The following TMEM260 variants were observed in gnomAD, a reference collection of about 807,000 sequenced individuals.
The protein encoded by TMEM260 is transmembrane protein 260.
A neutral mutation model predicts 88.9 loss-of-function variants in TMEM260; 82 were observed. That is an observed-to-expected ratio of 0.92 (90% CI 0.77 to 1.11). TMEM260 has a LOEUF of 1.11. Among genes scored for constraint, TMEM260 ranks in the 50% least tolerant of loss-of-function variants. The probability of loss-of-function intolerance (pLI) is 0.00; values close to 1 mark genes in which losing one functional copy is unlikely to be tolerated. For missense variants in TMEM260, 902 were observed against 853.4 expected (o/e 1.06, Z -0.71); for synonymous variants, 314 against 309.3 (o/e 1.02, Z -0.16).
rs747716407 is a variant in TMEM260 at position 56,585,848 on chromosome 14, G to A, written c.280G>A (p.Val94Ile). 12 of 1,613,190 alleles carry A rather than the reference G, an allele frequency of 7.4e-6. No individual in the cohort carries two copies. The East Asian group carries it at 8.9e-5, about 12-fold the overall frequency. Reference protein sequence around the residue: ...LFPFGSIAYRVNLLCGLFGAV... With the variant: ...LFPFGSIAYRINLLCGLFGAV... ...TCCTTTTGGTTCAATTGCCTACCGC[G>A]TCAATCTTCTCTGTGGCTTATTTGG... Residue 94 changes from valine to isoleucine, a missense_variant, in exon 3 of 16, where the codon GTC (valine) becomes ATC (isoleucine). Physicochemically the swap from Val to Ile is conservative, Grantham distance 29 (BLOSUM62 3). Coordinates refer to ENST00000261556, the MANE Select transcript of TMEM260 (RefSeq NM_017799.4).
intron 4 of TMEM260, among the ~76,000 whole-genome samples, 188 bp downstream of exon 4, chr14:56,604,180 A>G (rs1386936034): frequency 6.6e-6 from 1 of 152,138 alleles, no homozygotes; most frequent in Non-Finnish European, 1.5e-5. Context: ...CTTATAAAAC[A>G]TGGCGCTTTT....
chr14:56,636,682 A>C, intron 15 of TMEM260, 84 bp downstream of exon 15: 2 of 1,173,182 alleles, frequency 1.7e-6, no homozygotes, highest in Non-Finnish European at 2.5e-6. Flanking sequence ...AGGGTATATC[A>C]CATTAGAATT....
At chr14:56,605,106 A>G (rs1037680921) in intron 4 of TMEM260, among the ~76,000 whole-genome samples, 6 of 152,228 alleles carry the variant, frequency 3.9e-5, no homozygotes, top group Non-Finnish European at 8.8e-5. Context: ...GAGTTTGGTC[A>G]ACGAGAGAAT....
intron 11 of TMEM260, among the ~76,000 whole-genome samples, chr14:56,622,780 A>T (rs1295165971): frequency 6.6e-6 from 1 of 152,230 alleles, no homozygotes; most frequent in African/African-American, 2.4e-5. Flanking sequence ...CATAGTACTT[A>T]ATGCACTTTG....
downstream of TMEM260, among the ~76,000 whole-genome samples, chr14:56,652,343 C>T (rs544622982): frequency 1.3e-3 from 191 of 151,966 alleles, 1 homozygote; most frequent in African/African-American, 4.3e-3. Context: ...AAAAGAAATA[C>T]AAAAATTAGC....
intron 3 of TMEM260, among the ~76,000 whole-genome samples, chr14:56,596,425 T>TATATATATATATATATATATATATATAC (rs1490067903): frequency 2.2e-5 from 3 of 135,636 alleles, no homozygotes; most frequent in African/African-American, 8.6e-5. Flanking sequence ...TATATATATA[T>TATATATATATATATATATATATATATAC]ACATACACAC....
At chr14:56,653,951 A>G (rs142850983), downstream of TMEM260, among the ~76,000 whole-genome samples, 53 of 152,282 alleles carry the variant, frequency 3.5e-4, no homozygotes, top group East Asian at 8.5e-3. Context: ...TCCAGTCCCA[A>G]TTACATGAAA....
At chr14:56,588,517 C>G (rs1240674559) in intron 3 of TMEM260, among the ~76,000 whole-genome samples, 1 of 151,936 alleles carries the variant, frequency 6.6e-6, no homozygotes. Context: ...GCATCTTTCT[C>G]TTGCTTTTAA....
rs1890044802 is a variant in TMEM260 at position 56,647,531 on chromosome 14, A to C, written c.*34A>C. 6.5e-7 allele frequency: 1 copy of C among 1,547,946 alleles called. No individual in the cohort carries two copies. ...AATATGAAAAACCTGCTCATCGTTC[A>C]GCTTCCAAAATTCTGAAGTCTGGAA... On this transcript the variant is annotated 3_prime_UTR_variant, in exon 16 of 16. Transcript: ENST00000261556.
At chr14:56,645,303 C>G (rs942964403) in intron 15 of TMEM260, among the ~76,000 whole-genome samples, 6 of 151,844 alleles carry the variant, frequency 4.0e-5, no homozygotes, top group African/African-American at 1.4e-4. Flanking sequence ...CCATGGAATA[C>G]TATGCAGCCA....
intron 3 of TMEM260, among the ~76,000 whole-genome samples, chr14:56,596,381 A>AGTGT (rs376857460): frequency 0.28 from 35,146 of 126,312 alleles, 5,347 homozygotes; most frequent in East Asian, 0.4. Context: ...TATATGTGAG[A>AGTGT]GTGTGTGTGT....
the TMEM260 span, among the ~76,000 whole-genome samples, chr14:56,659,264 T>G: frequency 1.9e-3 from 288 of 148,310 alleles, 3 homozygotes; most frequent in Middle Eastern, 0.017. Flanking sequence ...GGTTTTTGTT[T>G]TTTTTTTTTT....
chr14:56,586,654 ACTT>A (rs768760220), intron 3 of TMEM260, among the ~76,000 whole-genome samples: 1 of 152,090 alleles, frequency 6.6e-6, no homozygotes, highest in Non-Finnish European at 1.5e-5. Context: ...AAATTAAAAC[ACTT>A]CTTCTAAAAA....
At chr14:56,582,842 T>C (rs1434188074) in intron 1 of TMEM260, among the ~76,000 whole-genome samples, 1 of 152,148 alleles carries the variant, frequency 6.6e-6, no homozygotes, top group East Asian at 1.9e-4. Context: ...TTTATCAAGG[T>C]TACATTTAGA....
In TMEM260 at chr14:56,618,643, G is replaced by T; in HGVS notation, c.1106G>T (p.Gly369Val). The change falls in exon 10 of 16, where the codon GGC (glycine) becomes GTC (valine). Residue 369 changes from glycine to valine, a missense_variant. By Grantham distance (109) the Gly-to-Val change is moderately radical. Coordinates refer to ENST00000261556, the MANE Select transcript of TMEM260 (RefSeq NM_017799.4). Reference protein sequence around the residue: ...QSNAVVAVLAGIGLAAVVSET... With the variant: ...QSNAVVAVLAVIGLAAVVSET... ...AATGCAGTAGTGGCCGTCCTCGCTG[G>T]CATTGGTTTGGCTGCAGTTGTGTCT... 1 of 1,614,196 alleles carries T rather than the reference G, an allele frequency of 6.2e-7. No individual in the cohort carries two copies. Among genetic ancestry groups the T allele is most frequent in the Non-Finnish European group, 8.5e-7 (1 of 1,180,030 alleles).
At chr14:56,645,607 A>G (rs1889914413) in intron 15 of TMEM260, among the ~76,000 whole-genome samples, 1 of 146,536 alleles carries the variant, frequency 6.8e-6, no homozygotes. Context: ...ACAAACCTGC[A>G]CGTTGTGCAC....
chr14:56,644,949 A>G (rs1889854948), intron 15 of TMEM260, among the ~76,000 whole-genome samples: 1 of 152,152 alleles, frequency 6.6e-6, no homozygotes, highest in Admixed American at 6.6e-5. Context: ...AGGAGATACC[A>G]TCTCACACCA....
At position 56,609,088 on chromosome 14, in the gene TMEM260, C is replaced by G. The variant is rs1887089571; in HGVS notation, c.637-18C>G. The G allele has an allele frequency of 7.4e-6, 12 of 1,611,794 alleles. No homozygotes were observed. Among genetic ancestry groups the G allele is most frequent in the Admixed American group, 1.7e-5 (1 of 59,888 alleles). ...CTAAAATAAACATTGTTATACCACC[C>G]AATGTGCTCTGATGCAGGAACTCTC... On this transcript the variant is annotated intron_variant, in intron 5 of 15. Coordinates refer to ENST00000261556, the MANE Select transcript of TMEM260 (RefSeq NM_017799.4).
At chr14:56,593,677 C>CTTTTTTTTTTTTTTTTTTTTTTT in intron 3 of TMEM260, among the ~76,000 whole-genome samples, 1 of 63,506 alleles carries the variant, frequency 1.6e-5, no homozygotes, top group East Asian at 4.7e-4. Flanking sequence ...AGGTGAGTGT[C>CTTTTTTTTTTTTTTTTTTTTTTT]TTTTTTTTTT....
Sources: gnomAD v4.1 joint callset for allele counts (sites outside exome capture counted in the v4.1 genomes callset) on GRCh38, gnomAD v4.1.1 for gene constraint, MANE v1.5 for transcripts, NCBI Gene and HGNC (gene_info 2026-07-23, HGNC 2026-07-21) for gene names.